The following XKR4 variants were observed in gnomAD, a reference collection of about 807,000 sequenced individuals.
XKR4 encodes the protein XK related 4.
Under a neutral mutation model 53.9 loss-of-function variants are expected in XKR4, and 12 were observed. The observed-to-expected ratio is 0.22, with a 90% CI of 0.14 to 0.36. XKR4 has a LOEUF of 0.36. XKR4 is among the 10% of genes least tolerant of loss of function. XKR4 has a pLI of 1.00. For synonymous variants in XKR4, 354 were observed against 362.4 expected (o/e 0.98, Z 0.26); for missense variants, 799 against 859.5 (o/e 0.93, Z 0.88).
intron 1 of XKR4, among the ~76,000 whole-genome samples, chr8:55,215,176 G>T (rs562065181): frequency 3.3e-5 from 5 of 151,756 alleles, no homozygotes; most frequent in African/African-American, 9.7e-5. Flanking sequence ...ATCATAACTC[G>T]TCATTCATCC....
chr8:55,450,625 G>C, intron 2 of XKR4: 1 of 664,892 alleles, frequency 1.5e-6, no homozygotes, highest in East Asian at 3.2e-5. Context: ...GGTGGAGCTG[G>C]TGTAGGCAGT....
At chr8:55,510,389 A>T (rs74365225) in intron 2 of XKR4, among the ~76,000 whole-genome samples, 2,371 of 152,302 alleles carry the variant, frequency 0.016, 54 homozygotes, top group African/African-American at 0.055. Context: ...GGACATAAAT[A>T]GGGAGTCCTT....
intron 1 of XKR4, among the ~76,000 whole-genome samples, chr8:55,311,289 A>G (rs559040971): frequency 6.6e-6 from 1 of 152,178 alleles, no homozygotes; most frequent in Non-Finnish European, 1.5e-5. Context: ...CAGCCACACA[A>G]TTGCTAAAGA....
At chr8:55,452,947 G>A in intron 2 of XKR4, 1 of 783,354 alleles carries the variant, frequency 1.3e-6, no homozygotes, top group East Asian at 2.8e-5. Flanking sequence ...TTCTGCATCA[G>A]CTCCTGCTGC....
At chr8:55,167,481 C>T (rs9886468) in intron 1 of XKR4, among the ~76,000 whole-genome samples, 2,872 of 152,164 alleles carry the variant, frequency 0.019, 102 homozygotes, top group African/African-American at 0.066. Context: ...AAGGCAGAAC[C>T]GTAGGACGAA....
rs1177093647 is a variant in XKR4 at position 55,526,240 on chromosome 8, A to AC, written c.*2013_*2014insC. 1.4e-4 allele frequency: 22 copies of AC among 152,398 alleles called. No homozygotes were observed. Among genetic ancestry groups the AC allele is most frequent in the African/African-American group, 5.1e-4 (21 of 41,580 alleles). 9.4% of individuals were successfully genotyped at this position (152,398 alleles called of 1,614,324 possible). ...GTCCAGTTCTCTAGCCACCACCTGT[A>AC]ATGGGTGTGTCATCCAGAGACTGTG... is the stretch of plus-strand genomic sequence containing the variant. On this transcript the variant is annotated 3_prime_UTR_variant, in exon 3 of 3. Coordinates refer to ENST00000327381, the MANE Select transcript of XKR4 (RefSeq NM_052898.2).
At chr8:55,182,453 T>C (rs187115190) in intron 1 of XKR4, among the ~76,000 whole-genome samples, 87 of 152,314 alleles carry the variant, frequency 5.7e-4, no homozygotes, top group African/African-American at 2.0e-3. Context: ...AGATTTAGTC[T>C]ATAATCTTTA....
chr8:55,364,978 T>C (rs960939381), intron 2 of XKR4, among the ~76,000 whole-genome samples: 1 of 152,214 alleles, frequency 6.6e-6, no homozygotes, highest in Non-Finnish European at 1.5e-5. Context: ...TTTAGTTAGG[T>C]TAATTAGTTT....
At chr8:55,506,581 T>C (rs1210195055) in intron 2 of XKR4, among the ~76,000 whole-genome samples, 1 of 152,180 alleles carries the variant, frequency 6.6e-6, no homozygotes, top group Non-Finnish European at 1.5e-5. Context: ...GTTAATAGTG[T>C]AGAGATAATT....
At chr8:55,254,670 G>C (rs924691997) in intron 1 of XKR4, among the ~76,000 whole-genome samples, 6 of 152,162 alleles carry the variant, frequency 3.9e-5, no homozygotes, top group African/African-American at 9.6e-5. Context: ...GCTGGGGAAC[G>C]ATATGCCAAA....
chr8:55,424,512 A>G (rs1804984703), intron 2 of XKR4, among the ~76,000 whole-genome samples: 1 of 152,228 alleles, frequency 6.6e-6, no homozygotes, highest in South Asian at 2.1e-4. Flanking sequence ...ATTTTCAGAG[A>G]TAAATACAAG....
intron 2 of XKR4, among the ~76,000 whole-genome samples, chr8:55,463,624 T>A (rs1386166294): frequency 1.3e-5 from 2 of 151,660 alleles, no homozygotes; most frequent in African/African-American, 4.9e-5. Context: ...ATAACTAATA[T>A]CAGAGCAGAA....
intron 1 of XKR4, among the ~76,000 whole-genome samples, chr8:55,276,055 T>G (rs948526616): frequency 3.9e-5 from 6 of 152,266 alleles, no homozygotes; most frequent in Non-Finnish European, 8.8e-5. Context: ...AATAGTGTGA[T>G]TGTTAAGGCT....
intron 1 of XKR4, among the ~76,000 whole-genome samples, chr8:55,308,572 G>A (rs1394887078): frequency 1.3e-5 from 2 of 152,016 alleles, no homozygotes; most frequent in Middle Eastern, 3.2e-3. Context: ...GATATTATGG[G>A]GATTACAATT....
At chr8:55,167,768 A>G (rs1817089762) in intron 1 of XKR4, among the ~76,000 whole-genome samples, 1 of 152,186 alleles carries the variant, frequency 6.6e-6, no homozygotes, top group African/African-American at 2.4e-5. Context: ...CCCCAAGGTA[A>G]TGAACACTGA....
chr8:55,521,749 C>A (rs1806801416), intron 2 of XKR4, among the ~76,000 whole-genome samples: 1 of 152,146 alleles, frequency 6.6e-6, no homozygotes, highest in Non-Finnish European at 1.5e-5. Flanking sequence ...AATGTATTTC[C>A]TGTCAATTAG....
chr8:55,124,101 A>G (rs1331844442), intron 1 of XKR4, among the ~76,000 whole-genome samples: 2 of 152,132 alleles, frequency 1.3e-5, no homozygotes, highest in Non-Finnish European at 2.9e-5. Context: ...CAAAGCTGTC[A>G]TCTTAACACC....
Position 55,262,813 on chromosome 8 carries a change from C to T in XKR4, c.807-94865C>T, listed in dbSNP as rs570483796. 6.6e-4 allele frequency among the ~76,000 whole-genome samples: 100 copies of T among 152,310 alleles called. 3 individuals carry two copies. The highest frequency in any genetic ancestry group is 6.1e-3 in the Admixed American group (93 of 15,300). On this transcript the variant is annotated intron_variant, in intron 1 of 2. Transcript: ENST00000327381. ...TCTTAGATTTCAAAGTCCATGCCAA[C>T]GAGGATGTGAGATCAAGAAACTGTC... is the stretch of plus-strand genomic sequence containing the variant.
chr8:55,392,165 G>A (rs1428049634), intron 2 of XKR4, among the ~76,000 whole-genome samples: 1 of 152,074 alleles, frequency 6.6e-6, no homozygotes, highest in African/African-American at 2.4e-5. Flanking sequence ...CCTCTAAAAA[G>A]GCATGGAAAA....
Sources: gnomAD v4.1 joint callset for allele counts (sites outside exome capture counted in the v4.1 genomes callset) on GRCh38, gnomAD v4.1.1 for gene constraint, MANE v1.5 for transcripts, NCBI Gene and HGNC (gene_info 2026-07-23, HGNC 2026-07-21) for gene names.